DEF8: variants seen among roughly 807,000 people sequenced by gnomAD.
DEF8 encodes differentially expressed in FDCP 8 homolog, also known as DEF-8.
In DEF8, 38 loss-of-function variants were observed where a neutral mutation model predicts 59.1. The observed-to-expected ratio is 0.64, with a 90% CI of 0.50 to 0.84. DEF8 has a LOEUF of 0.84. Ranked by LOEUF, DEF8 falls within the 40% of genes least tolerant of loss-of-function variation. The pLI is 0.00. For synonymous variants in DEF8, 265 were observed against 250.1 expected, an observed-to-expected ratio of 1.06 and a Z score of -0.56; for missense variants, 557 against 615.2, an observed-to-expected ratio of 0.91 and a Z score of 1.00.
At chr16:89,950,551 C>G (rs774993608) in intron 2 of DEF8, among the ~76,000 whole-genome samples, 2 of 152,140 alleles carry the variant, frequency 1.3e-5, no homozygotes, top group Non-Finnish European at 2.9e-5. Context: ...CCATGCCCAG[C>G]TAATTTGTTT....
chr16:89,965,420 C>G (rs1336606275), intron 12 of DEF8, among the ~76,000 whole-genome samples: 4 of 152,222 alleles, frequency 2.6e-5, no homozygotes, highest in Non-Finnish European at 5.9e-5. Flanking sequence ...TGAACTCGCT[C>G]GAGCTAGTCG....
intron 4 of DEF8, chr16:89,956,656 C>G (rs758067098): frequency 6.6e-6 from 1 of 151,138 alleles, no homozygotes; most frequent in African/African-American, 2.5e-5. Context: ...CAGGTGTGCA[C>G]TACAATGCTC....
rs375320677 is a variant in DEF8 at position 89,960,638 on chromosome 16, G to T, written c.515-293G>T. 4.9e-4 allele frequency among the ~76,000 whole-genome samples: 71 copies of T among 145,072 alleles called. 1 individual carries two copies. In the South Asian group the frequency reaches 0.015, roughly 30 times the overall value. On this transcript the variant is annotated intron_variant, in intron 6 of 12. Transcript: ENST00000563594. ...CTGAGGGGCTTGGGGTCGGGGGTGGGAGTTTCGTTTGTTACATTTGGACAG... is the reference window on the plus strand; with the variant it reads ...CTGAGGGGCTTGGGGTCGGGGGTGGTAGTTTCGTTTGTTACATTTGGACAG...
chr16:89,957,545 G>A lies in DEF8; in HGVS notation c.257G>A (p.Arg86Gln), dbSNP rs1469532736. Residue 86 changes from arginine to glutamine, a missense_variant, in exon 5 of 13, where the codon CGG becomes CAG. Coordinates refer to ENST00000563594, the MANE Select transcript of DEF8 (RefSeq NM_001242818.2). The stretch of plus-strand genomic sequence containing the variant: ...CTGGCCTCTGACGTCCAGCAGCTGC[G>A]GCAGGCGATCGAGGAGTGCAAGCAG... ...LFLASDVQQLRQAIEECKQVI... is the reference protein window; with the variant it reads ...LFLASDVQQLQQAIEECKQVI... 1.4e-5 allele frequency: 22 copies of A among 1,593,022 alleles called. No individual in the cohort carries two copies. The highest frequency in any genetic ancestry group is 2.3e-5 in the South Asian group (2 of 88,048).
At chr16:89,965,768 T>G (rs1597541867) in intron 12 of DEF8, 93 bp from the exon 13 acceptor site, 1 of 758,858 alleles carries the variant, frequency 1.3e-6, no homozygotes, top group Non-Finnish European at 2.2e-6. Context: ...GTAACGGCTG[T>G]AGAGGGGATG....
At chr16:89,963,164 C>T (rs1005857739) in intron 9 of DEF8, among the ~76,000 whole-genome samples, 199 bp from the exon 10 acceptor site, 1 of 152,190 alleles carries the variant, frequency 6.6e-6, no homozygotes, top group African/African-American at 2.4e-5. Flanking sequence ...GGAGGGTTTT[C>T]TGGACCACGG....
intron 7 of DEF8, among the ~76,000 whole-genome samples, chr16:89,961,464 T>G (rs925104086): frequency 1.3e-5 from 2 of 152,164 alleles, no homozygotes; most frequent in Admixed American, 6.5e-5. Flanking sequence ...TGTGCACATG[T>G]GCGCGTCAGC....
intron 7 of DEF8, 77 bp downstream of exon 7, chr16:89,961,172 A>ACGG: frequency 1.3e-6 from 2 of 1,541,668 alleles, no homozygotes; most frequent in Admixed American, 3.7e-5. Flanking sequence ...GTGTAAGGGC[A>ACGG]CGTAAGTCAG....
At chr16:89,951,808 T>C (rs1186389883) in intron 2 of DEF8, among the ~76,000 whole-genome samples, 2 of 151,752 alleles carry the variant, frequency 1.3e-5, no homozygotes, top group African/African-American at 4.9e-5. Context: ...TCTTTTCTTT[T>C]TTCTCATATG....
At chr16:89,949,181 C>A (rs947070202) in intron 1 of DEF8, among the ~76,000 whole-genome samples, 1 of 151,376 alleles carries the variant, frequency 6.6e-6, no homozygotes, top group African/African-American at 2.4e-5. Context: ...GGCCGCCCCA[C>A]CCCGGGGACG....
In DEF8 at chr16:89,964,563, C is replaced by G. The variant is rs758505002; in HGVS notation, c.1241C>G (p.Ala414Gly). Reference protein sequence around the residue: ...SHTSVCADCSAVFHRDCYYDN... With the variant: ...SHTSVCADCSGVFHRDCYYDN... ...ACGTCTGTGTGCGCCGACTGCTCCG[C>G]GGTCTTCCACAGGTGGGTGTGGCCT... The change falls in exon 12 of 13, where the codon GCG (alanine) becomes GGG (glycine). Residue 414 changes from alanine to glycine, a missense_variant. Coordinates refer to ENST00000563594, the MANE Select transcript of DEF8 (RefSeq NM_001242818.2). 1.3e-6 allele frequency: 2 copies of G among 1,570,110 alleles called. No individual in the cohort carries two copies. The highest frequency in any genetic ancestry group is 1.7e-6 in the Non-Finnish European group (2 of 1,159,360).
chr16:89,951,501 T>A (rs760649440), intron 2 of DEF8, among the ~76,000 whole-genome samples: 23 of 152,158 alleles, frequency 1.5e-4, no homozygotes, highest in Non-Finnish European at 2.6e-4. Context: ...CACTTCTGCT[T>A]CCCAAAGTGC....
In DEF8 at chr16:89,966,704, T is replaced by G. The variant is rs2034623703; in HGVS notation, c.*741T>G. The G allele has an allele frequency of 6.5e-6, 1 of 152,680 alleles. No individual in the cohort carries two copies. Among genetic ancestry groups the G allele is most frequent in the Non-Finnish European group, 1.5e-5 (1 of 68,092 alleles). 9.5% of individuals were successfully genotyped at this position (152,680 alleles called of 1,614,324 possible). ...TGGCCCAGCCCACCTTTCCTGGTGCTCCAAGCTAGGAGGCTGTGGCCCCAG... is the reference window on the plus strand; with the variant it reads ...TGGCCCAGCCCACCTTTCCTGGTGCGCCAAGCTAGGAGGCTGTGGCCCCAG... On this transcript the variant is annotated 3_prime_UTR_variant, in exon 13 of 13. Coordinates refer to ENST00000563594, the MANE Select transcript of DEF8 (RefSeq NM_001242818.2).
intron 9 of DEF8, 24 bp downstream of exon 9, chr16:89,962,149 G>C (rs747282466): frequency 6.3e-7 from 1 of 1,595,550 alleles, no homozygotes; most frequent in Admixed American, 1.7e-5. Flanking sequence ...CATGGAAGTG[G>C]GGGGCGGGGG....
chr16:89,951,813 C>T (rs2032147884), intron 2 of DEF8, among the ~76,000 whole-genome samples: 1 of 152,082 alleles, frequency 6.6e-6, no homozygotes, highest in Non-Finnish European at 1.5e-5. Context: ...TCTTTTTTCT[C>T]ATATGTATGT....
chr16:89,966,116 C>A lies in DEF8; in HGVS notation c.*153C>A. ...AGCGGGTGGGCAGTGTCAAGGCCCG[C>A]TGTCTCCCAGGTGCTTGCTGGGACT... On this transcript the variant is annotated 3_prime_UTR_variant, in exon 13 of 13. Coordinates refer to ENST00000563594, the MANE Select transcript of DEF8 (RefSeq NM_001242818.2). 3.4e-6 allele frequency: 2 copies of A among 584,248 alleles called. No homozygotes were observed. Among genetic ancestry groups the A allele is most frequent in the South Asian group, 4.0e-5 (2 of 49,466 alleles). 36.2% of individuals were successfully genotyped at this position (584,248 alleles called of 1,614,324 possible).
Position 89,961,768 on chromosome 16 carries a change from C to G in DEF8, c.711C>G (p.Asp237Glu). The G allele has an allele frequency of 6.2e-7, 1 of 1,613,528 alleles. No homozygotes were observed. The highest frequency in any genetic ancestry group is 8.5e-7 in the Non-Finnish European group (1 of 1,179,980). The change falls in exon 8 of 13, where the codon GAC becomes GAG. Residue 237 changes from aspartate (D) to glutamate (E), a missense_variant. Asp to Glu is a conservative substitution (Grantham distance 45). Transcript: ENST00000563594. ...RGVPSEARQC[D>E]YTGQYYCSHC... ...TGCCCAGTGAGGCCAGGCAGTGCGA[C>G]TACACCGGCCAGTACTACTGCAGCC...
chr16:89,955,546 G>C (rs1392490585), intron 4 of DEF8, among the ~76,000 whole-genome samples: 1 of 152,166 alleles, frequency 6.6e-6, no homozygotes, highest in Non-Finnish European at 1.5e-5. Context: ...GGCTGCTTCT[G>C]TCCCCTGAGC....
intron 6 of DEF8, among the ~76,000 whole-genome samples, 164 bp from the exon 7 acceptor site, chr16:89,960,767 A>G (rs530358443): frequency 9.2e-5 from 14 of 152,242 alleles, no homozygotes; most frequent in African/African-American, 2.6e-4. Flanking sequence ...GGCCAGGGAG[A>G]AAAGGATCTT....
Sources: allele counts gnomAD v4.1 joint callset (sites outside exome capture counted in the v4.1 genomes callset), GRCh38; gene constraint gnomAD v4.1.1; transcripts MANE v1.5; gene names NCBI Gene and HGNC (gene_info 2026-07-23, HGNC 2026-07-21).